SLC9A3: variants seen among roughly 807,000 people sequenced by gnomAD.
SLC9A3 encodes sodium/hydrogen exchanger 3.
In SLC9A3, 37 loss-of-function variants were observed where a neutral mutation model predicts 86.8. The ratio of observed to expected loss-of-function variants is 0.43; its 90% CI spans 0.33 to 0.56. SLC9A3 has a LOEUF of 0.56. Ranked by LOEUF, SLC9A3 falls within the 20% of genes least tolerant of loss-of-function variation. The pLI is 0.06. For synonymous variants in SLC9A3, 581 were observed against 528.3 expected, an observed-to-expected ratio of 1.10 and a Z score of -1.37; for missense variants, 1,011 against 1,171.9, an observed-to-expected ratio of 0.86 and a Z score of 2.00.
chr5:490,058 G>A (rs1326314190), intron 2 of SLC9A3, among the ~76,000 whole-genome samples: 1 of 152,206 alleles, frequency 6.6e-6, no homozygotes, highest in Admixed American at 6.5e-5. Context: ...CTTGGCCTCT[G>A]GTCTGCAGAG....
intron 9 of SLC9A3, among the ~76,000 whole-genome samples, chr5:481,267 A>G (rs113351590): frequency 6.6e-6 from 1 of 152,200 alleles, no homozygotes; most frequent in Non-Finnish European, 1.5e-5. Flanking sequence ...TTCAATTCCT[A>G]CATAACAATT....
chr5:485,922 C>A (rs1298884357), intron 3 of SLC9A3, among the ~76,000 whole-genome samples: 1 of 152,166 alleles, frequency 6.6e-6, no homozygotes, highest in Non-Finnish European at 1.5e-5. Context: ...TAATGAAAAT[C>A]CAGCTGGGAG....
intron 14 of SLC9A3, 146 bp from the exon 15 acceptor site, chr5:475,817 G>A (rs1416225837): frequency 5.8e-6 from 4 of 693,038 alleles, no homozygotes; most frequent in Non-Finnish European, 1.0e-5. Context: ...GCTGGAGGAG[G>A]GACCCCACTT....
rs1579776487 is a variant in SLC9A3 at position 481,577 on chromosome 5, T to G, written c.1505A>C (p.Tyr502Ser). 6.2e-7 allele frequency: 1 copy of G among 1,613,848 alleles called. No homozygotes were observed. The highest frequency in any genetic ancestry group is 8.5e-7 in the Non-Finnish European group (1 of 1,179,752). Residue 502 changes from tyrosine to serine, a missense_variant, in exon 9 of 17, where the codon TAT becomes TCT. Physicochemically the swap from Tyr to Ser is moderately radical, Grantham distance 144. Coordinates refer to ENST00000264938, the MANE Select transcript of SLC9A3 (RefSeq NM_004174.4). ...EDISGQIGHN[Y>S]LRDKWSHFDR... is the part of the protein sequence containing the mutation. ...CCCAGCCACTTACTTGTCTCTGAGA[T>G]AATTGTGCCCGATCTGTCCGGATAT...
At chr5:520,153 G>C (rs956813608) in intron 1 of SLC9A3, among the ~76,000 whole-genome samples, 1 of 152,060 alleles carries the variant, frequency 6.6e-6, no homozygotes, top group Non-Finnish European at 1.5e-5. Flanking sequence ...AGCCAGCGCT[G>C]CCCAGCTCTG....
intron 15 of SLC9A3, 184 bp downstream of exon 15, chr5:475,377 C>A: frequency 1.6e-6 from 1 of 618,568 alleles, no homozygotes; most frequent in Non-Finnish European, 2.8e-6. Context: ...GCCCACGTCT[C>A]CCCGGACAGC....
At position 476,307 on chromosome 5, in the gene SLC9A3, G is replaced by A. The variant is rs1238924552; in HGVS notation, c.1962C>T (p.His654=). Reference sequence around the variant, plus strand: ...ACTCCAGGCGCTTCCGCATGGTCCTGTGGAAGATTTCCCGGTCCTGTTTCT... The same window carrying A: ...ACTCCAGGCGCTTCCGCATGGTCCTATGGAAGATTTCCCGGTCCTGTTTCT... ...EDEKQDREIF[H]RTMRKRLESF... Residue 654 remains histidine (H), a synonymous_variant, in exon 13 of 17, where the codon CAC becomes CAT. Transcript: ENST00000264938. The A allele has an allele frequency of 6.2e-7, 1 of 1,613,998 alleles. No homozygotes were observed. Among genetic ancestry groups the A allele is most frequent in the East Asian group, 2.2e-5 (1 of 44,882 alleles).
intron 1 of SLC9A3, among the ~76,000 whole-genome samples, chr5:518,494 G>T (rs1446631306): frequency 4.6e-5 from 7 of 152,296 alleles, no homozygotes; most frequent in South Asian, 4.1e-4. Context: ...CTGGCACCCT[G>T]ACACCTGGTA....
chr5:471,103 T>G lies in SLC9A3; in HGVS notation c.*2276A>C, dbSNP rs1297175988. 2 of 154,050 alleles carry G rather than the reference T, an allele frequency of 1.3e-5. No individual in the cohort carries two copies. The highest frequency in any genetic ancestry group is 2.9e-5 in the Non-Finnish European group (2 of 69,228). 9.5% of individuals were successfully genotyped at this position (154,050 alleles called of 1,614,324 possible). A position where few individuals can be genotyped will look rare whatever the true frequency, so the allele number is the denominator to read the frequency against. On this transcript the variant is annotated 3_prime_UTR_variant, in exon 17 of 17. Coordinates refer to ENST00000264938, the MANE Select transcript of SLC9A3 (RefSeq NM_004174.4). ...TGGTTCCGTGTTTGTGTTTAGCCTG[T>G]GCAATTCTCGTCAACACAGAACACC... is the stretch of plus-strand genomic sequence containing the variant.
Position 497,382 on chromosome 5 carries a change from C to T in SLC9A3, c.212-5311G>A, listed in dbSNP as rs1015858988. Among the ~76,000 whole-genome samples, 2 of 152,144 alleles carry T rather than the reference C, an allele frequency of 1.3e-5. No individual in the cohort carries two copies. Among genetic ancestry groups the T allele is most frequent in the African/African-American group, 4.8e-5 (2 of 41,420 alleles). Reference sequence around the variant, plus strand: ...CCCGGGTCTCAAATCCGGGTTCTTCCCTTGACAGCTGGCGTCCACCCTCGA... The same window carrying T: ...CCCGGGTCTCAAATCCGGGTTCTTCTCTTGACAGCTGGCGTCCACCCTCGA... On this transcript the variant is annotated intron_variant, in intron 1 of 16. Coordinates refer to ENST00000264938, the MANE Select transcript of SLC9A3 (RefSeq NM_004174.4). The surrounding 1 kb of genome is among the most constrained non-coding windows in gnomAD (Gnocchi z 5.4).
At chr5:519,678 T>C (rs1251793065) in intron 1 of SLC9A3, among the ~76,000 whole-genome samples, 1 of 151,924 alleles carries the variant, frequency 6.6e-6, no homozygotes, top group East Asian at 1.9e-4. Context: ...ACCCAGTGCC[T>C]CAGATTTGGG....
At chr5:484,812 C>T in intron 4 of SLC9A3, 115 bp from the exon 5 acceptor site, 1 of 986,122 alleles carries the variant, frequency 1.0e-6, no homozygotes, top group Non-Finnish European at 1.5e-6. Flanking sequence ...GTGGATCCCT[C>T]ACTCTCTTGG....
At chr5:503,662 G>A (rs1740409506) in intron 1 of SLC9A3, among the ~76,000 whole-genome samples, 1 of 152,236 alleles carries the variant, frequency 6.6e-6, no homozygotes, top group South Asian at 2.1e-4. Flanking sequence ...AATTTTGCAA[G>A]CTCCAAGCAA....
At chr5:479,734 G>A (rs558939088) in intron 10 of SLC9A3, 102 bp downstream of exon 10, 3 of 1,275,858 alleles carry the variant, frequency 2.4e-6, no homozygotes, top group Non-Finnish European at 2.2e-6. Context: ...GCCTGGCCTT[G>A]GGACGCGGGT....
chr5:507,299 C>A (rs1740639828), intron 1 of SLC9A3, among the ~76,000 whole-genome samples: 1 of 145,386 alleles, frequency 6.9e-6, no homozygotes, highest in Non-Finnish European at 1.5e-5. Context: ...TCCCGAGTAG[C>A]TGGGACTACA....
rs1180134952 is a variant in SLC9A3 at position 524,414 on chromosome 5, C to G, written c.-92G>C. The G allele has an allele frequency of 1.4e-5, 6 of 435,760 alleles. No homozygotes were observed. In the South Asian group the frequency reaches 6.3e-4, roughly 46 times the overall value. The allele number at this position is 435,760 out of a possible 1,614,324, so 27.0% of individuals were successfully genotyped here. A position where few individuals can be genotyped will look rare whatever the true frequency, so the allele number is the denominator to read the frequency against. ...GCGCGGGGCTGGGACCCGGCGAGGA[C>G]CCGGCGCGCTCCGGTGCCGGTACCG... On this transcript the variant is annotated 5_prime_UTR_variant, in exon 1 of 17. Transcript: ENST00000264938.
chr5:488,330 C>T lies in SLC9A3; in HGVS notation c.661G>A (p.Asp221Asn), dbSNP rs1174082886. ...IIVFGESLLN[D>N]AVTVVLYNVF... ...CCGTTGCTCACCACGGTGACTGCGT[C>T]GTTCAGCAGCGACTCCCCGAAGACG... The change falls in exon 3 of 17, where the codon GAC becomes AAC. Residue 221 changes from aspartate (D) to asparagine (N), a missense_variant. Around this residue, in one of 3 missense-constraint regions of SLC9A3, gnomAD observed 565 missense variants for 790.0 expected, o/e 0.72. Transcript: ENST00000264938. 2 of 1,612,544 alleles carry T rather than the reference C, an allele frequency of 1.2e-6. No individual in the cohort carries two copies. The highest frequency in any genetic ancestry group is 1.7e-6 in the Non-Finnish European group (2 of 1,179,874).
chr5:498,445 T>A (rs560135633), intron 1 of SLC9A3, among the ~76,000 whole-genome samples: 64 of 152,312 alleles, frequency 4.2e-4, no homozygotes, highest in African/African-American at 1.5e-3. Context: ...TTCTGTCACC[T>A]GGACTGGAGT....
rs1359778323 is a variant in SLC9A3 at position 471,271 on chromosome 5, G to A, written c.*2108C>T. 4.8e-5 allele frequency: 8 copies of A among 165,434 alleles called. No homozygotes were observed. The highest frequency in any genetic ancestry group is 1.1e-4 in the Non-Finnish European group (8 of 74,434). The allele number at this position is 165,434 out of a possible 1,614,324, so 10.2% of individuals were successfully genotyped here. On this transcript the variant is annotated 3_prime_UTR_variant, in exon 17 of 17. Coordinates refer to ENST00000264938, the MANE Select transcript of SLC9A3 (RefSeq NM_004174.4). Reference sequence around the variant, plus strand: ...ACCGGGTGTCCAGGGAGGAGCGATCGGGAGTGGCCAAGCAGTTGCCTGGAC... The same window carrying A: ...ACCGGGTGTCCAGGGAGGAGCGATCAGGAGTGGCCAAGCAGTTGCCTGGAC...
Sources: gnomAD v4.1 joint callset for allele counts (sites outside exome capture counted in the v4.1 genomes callset) on GRCh38, gnomAD v4.1.1 for gene constraint, gnomAD v4.1.1 regional missense constraint, Gnocchi (gnomAD v3.1) non-coding constraint, MANE v1.5 for transcripts, NCBI Gene and HGNC (gene_info 2026-07-23, HGNC 2026-07-21) for gene names.